Variants in FRMPD4 observed in about 807,000 individuals in gnomAD.
FRMPD4 encodes the protein FERM and PDZ domain-containing protein 4.
FRMPD4 carries 22 observed loss-of-function variants against 94.1 expected under a neutral mutation model. That is an observed-to-expected ratio of 0.23 (90% confidence interval 0.17 to 0.33). FRMPD4 has a LOEUF of 0.33. Ranked by LOEUF, FRMPD4 falls within the 10% of genes least tolerant of loss-of-function variation. The pLI, the probability that FRMPD4 is intolerant of heterozygous loss-of-function variation, is 1.00. For synonymous variants in FRMPD4, 631 were observed against 548.6 expected (o/e 1.15, Z -2.10); for missense variants, 1,111 against 1,339.9 (o/e 0.83, Z 2.67).
intron 1 of FRMPD4, among the ~76,000 whole-genome samples, chrX:12,389,431 C>G (rs1478214131): frequency 4.7e-5 from 5 of 107,317 alleles, no homozygotes; most frequent in African/African-American, 1.7e-4. Context: ...GCTGAGATCT[C>G]ACCACTGCAC....
chrX:12,448,530 CATTG>C (rs2057228230), intron 1 of FRMPD4, among the ~76,000 whole-genome samples: 1 of 112,019 alleles, frequency 8.9e-6, no homozygotes, highest in African/African-American at 3.2e-5. Context: ...TTACTTCTGC[CATTG>C]ATTGAGTTAA....
At chrX:12,066,176 C>G (rs2054918870) in intron 3 of FRMPD4, among the ~76,000 whole-genome samples, 1 of 111,730 alleles carries the variant, frequency 9.0e-6, no homozygotes, top group Admixed American at 9.5e-5. Flanking sequence ...AATTTTCTTC[C>G]AAAAAATAAT....
intron 1 of FRMPD4, among the ~76,000 whole-genome samples, chrX:12,294,434 C>T (rs2054737696): frequency 9.3e-6 from 1 of 107,019 alleles, no homozygotes; most frequent in Non-Finnish European, 1.9e-5. Flanking sequence ...ATATCAAACA[C>T]TTGAGAAAAA....
chrX:12,216,223 T>A (rs190164328), intron 1 of FRMPD4, among the ~76,000 whole-genome samples: 26 of 111,520 alleles, frequency 2.3e-4, no homozygotes, highest in African/African-American at 8.1e-4. Context: ...CTGAGAAGAC[T>A]CAGCCAGCTC....
At chrX:11,851,065 T>G (rs999355681) in intron 1 of FRMPD4, among the ~76,000 whole-genome samples, 4 of 111,750 alleles carry the variant, frequency 3.6e-5, no homozygotes, top group Non-Finnish European at 7.5e-5. Context: ...CCTGCCCCGG[T>G]TGAACTACTG....
chrX:12,676,551 T>C (rs1858866257), intron 5 of FRMPD4, among the ~76,000 whole-genome samples: 1 of 112,554 alleles, frequency 8.9e-6, no homozygotes, highest in South Asian at 3.7e-4. Flanking sequence ...CTTTGTGTTT[T>C]GTTTTTTGTT....
intron 9 of FRMPD4, 72 bp downstream of exon 9, chrX:12,694,526 T>A: frequency 1.2e-6 from 1 of 816,026 alleles, no homozygotes; most frequent in Non-Finnish European, 1.8e-6. Flanking sequence ...TGCCCTGAAT[T>A]CTTTAACTTG....
At chrX:12,538,653 C>A (rs189145034) in intron 2 of FRMPD4, among the ~76,000 whole-genome samples, 1,565 of 111,611 alleles carry the variant, frequency 0.014, 26 homozygotes, top group African/African-American at 0.046. Flanking sequence ...CAGGCAGCAA[C>A]ATTTGCTGTT....
chrX:12,574,654 C>T (rs938183317), intron 2 of FRMPD4, among the ~76,000 whole-genome samples: 1 of 110,747 alleles, frequency 9.0e-6, no homozygotes, highest in African/African-American at 3.3e-5. Context: ...CATGCCACCA[C>T]GCCTGAATAA....
chrX:12,463,686 T>G (rs1047805078), intron 1 of FRMPD4, among the ~76,000 whole-genome samples: 2 of 90,110 alleles, frequency 2.2e-5, no homozygotes, highest in Admixed American at 1.2e-4. Flanking sequence ...TGTGTGTTTT[T>G]TTTTTGTTTT....
chrX:12,435,864 T>C (rs1314180106), intron 1 of FRMPD4, among the ~76,000 whole-genome samples: 3 of 111,990 alleles, frequency 2.7e-5, no homozygotes, highest in East Asian at 2.8e-4. Context: ...CAATTGCTTT[T>C]GATCTCTTCA....
Position 12,718,286 on chromosome X carries a change from G to T in FRMPD4, c.3460G>T (p.Val1154Leu). ...LGQGDRFLTD[V>L]TCASSAKDLD... ...TCAAGGGGACCGCTTCTTAACTGACGTGACCTGTGCATCTTCAGCCAAAGA... is the reference window on the plus strand; with the variant it reads ...TCAAGGGGACCGCTTCTTAACTGACTTGACCTGTGCATCTTCAGCCAAAGA... The change falls in exon 16 of 17, where the codon GTG becomes TTG. Residue 1154 changes from valine (V) to leucine (L), a missense_variant. Val to Leu is a conservative substitution (Grantham distance 32, BLOSUM62 1). Transcript: ENST00000675598. The T allele has an allele frequency of 1.7e-6, 2 of 1,211,301 alleles. No homozygotes were observed. Among genetic ancestry groups the T allele is most frequent in the Non-Finnish European group, 2.2e-6 (2 of 894,975 alleles).
chrX:12,527,928 T>C (rs1320208778), intron 2 of FRMPD4, among the ~76,000 whole-genome samples: 1 of 112,323 alleles, frequency 8.9e-6, no homozygotes, highest in Non-Finnish European at 1.9e-5. Context: ...TGTTCTCTCA[T>C]GCAATAACTT....
At chrX:12,058,141 A>G (rs763717599) in intron 3 of FRMPD4, among the ~76,000 whole-genome samples, 243 of 111,604 alleles carry the variant, frequency 2.2e-3, no homozygotes, top group Non-Finnish European at 3.7e-3. Flanking sequence ...AGGCCCACAG[A>G]CCAGACAATG....
chrX:11,839,820 G>GT (rs2053523403), intron 1 of FRMPD4, among the ~76,000 whole-genome samples: 1 of 110,572 alleles, frequency 9.0e-6, no homozygotes, highest in Non-Finnish European at 1.9e-5. Context: ...TGTAAAGGCT[G>GT]TTTTTTCTGT....
chrX:12,680,646 G>C (rs575191431), intron 5 of FRMPD4, among the ~76,000 whole-genome samples: 1 of 112,205 alleles, frequency 8.9e-6, no homozygotes, highest in South Asian at 3.8e-4. Flanking sequence ...TTTACCCCGA[G>C]TCTGTTGACT....
intron 1 of FRMPD4, among the ~76,000 whole-genome samples, chrX:12,229,073 T>C (rs768124276): frequency 2.1e-4 from 24 of 112,522 alleles, no homozygotes; most frequent in Admixed American, 7.5e-4. Context: ...AGTTATCTCT[T>C]TAGAAAAACA....
intron 1 of FRMPD4, among the ~76,000 whole-genome samples, chrX:12,366,744 C>T (rs1445791677): frequency 1.8e-5 from 2 of 111,784 alleles, no homozygotes; most frequent in African/African-American, 3.3e-5. Flanking sequence ...CAGTGACACA[C>T]GGCCAAGTGG....
At chrX:12,061,843 A>T (rs755319100) in intron 3 of FRMPD4, among the ~76,000 whole-genome samples, 75 of 111,714 alleles carry the variant, frequency 6.7e-4, no homozygotes, top group African/African-American at 2.4e-3. Flanking sequence ...GGTCAAACAT[A>T]TATTTATTAT....
Sources: allele counts gnomAD v4.1 joint callset (sites outside exome capture counted in the v4.1 genomes callset), GRCh38; gene constraint gnomAD v4.1.1; transcripts MANE v1.5; gene names NCBI Gene and HGNC (gene_info 2026-07-23, HGNC 2026-07-21).